MTURN: variants seen among roughly 807,000 people sequenced by gnomAD.
The protein encoded by MTURN is maturin.
In MTURN, 7 loss-of-function variants were observed where a neutral mutation model predicts 14.9. That is an observed-to-expected ratio of 0.47 (90% CI 0.27 to 0.88). The LOEUF (loss-of-function observed/expected upper bound fraction) is 0.88, where lower values mean the gene tolerates loss of function less well. Among genes scored for constraint, MTURN ranks in the 40% least tolerant of loss-of-function variants. The pLI, the probability that MTURN is intolerant of heterozygous loss-of-function variation, is 0.14. For missense variants in MTURN, 151 were observed against 174.1 expected (o/e 0.87, Z 0.75); for synonymous variants, 69 against 72.5 (o/e 0.95, Z 0.25).
Position 30,158,913 on chromosome 7 carries a change from GA to G in MTURN, c.*1368del, listed in dbSNP as rs979615686. 6.6e-6 allele frequency: 1 copy of G among 152,146 alleles called. No individual in the cohort carries two copies. The highest frequency in any genetic ancestry group is 2.4e-5 in the African/African-American group (1 of 41,414). 9.4% of individuals were successfully genotyped at this position (152,146 alleles called of 1,614,324 possible). ...GTCACACATGTGCCTGTTAGGTTGT[GA>G]AAGTTTTGAATTAAAAACAAGCAGT... On this transcript the variant is annotated 3_prime_UTR_variant, in exon 3 of 3. Coordinates refer to ENST00000324453, the MANE Select transcript of MTURN (RefSeq NM_152793.3).
At chr7:30,153,966 C>T (rs1331297020) in intron 2 of MTURN, among the ~76,000 whole-genome samples, 6 of 152,202 alleles carry the variant, frequency 3.9e-5, no homozygotes, top group Non-Finnish European at 5.9e-5. Flanking sequence ...GATCCGCCTG[C>T]CTCGGCCTCC....
At chr7:30,146,653 A>G (rs969369193) in intron 2 of MTURN, among the ~76,000 whole-genome samples, 2 of 152,158 alleles carry the variant, frequency 1.3e-5, no homozygotes, top group Non-Finnish European at 2.9e-5. Context: ...AGGTTCTTTT[A>G]TAATAGTGGG....
intron 1 of MTURN, chr7:30,140,957 G>A (rs997528034): frequency 6.6e-6 from 1 of 152,206 alleles, no homozygotes; most frequent in Non-Finnish European, 1.5e-5. Context: ...TGCGCACAGA[G>A]TGTAGTTGAA....
Position 30,157,608 on chromosome 7 carries a change from C to T in MTURN, c.*60C>T. On this transcript the variant is annotated 3_prime_UTR_variant, in exon 3 of 3. Coordinates refer to ENST00000324453, the MANE Select transcript of MTURN (RefSeq NM_152793.3). The stretch of plus-strand genomic sequence containing the variant: ...CACAGTAACCTAGGTGGGGTCACTG[C>T]CCCTCCTGGGTTAGCATTTTGCATT... The T allele has an allele frequency of 7.6e-7, 1 of 1,312,716 alleles. No homozygotes were observed. Among genetic ancestry groups the T allele is most frequent in the South Asian group, 1.4e-5 (1 of 69,478 alleles). 81.3% of individuals were successfully genotyped at this position (1,312,716 alleles called of 1,614,324 possible). A position where few individuals can be genotyped will look rare whatever the true frequency, so the allele number is the denominator to read the frequency against.
intron 2 of MTURN, 67 bp from the exon 3 acceptor site, chr7:30,157,371 T>C (rs973697399): frequency 3.6e-6 from 5 of 1,379,350 alleles, no homozygotes; most frequent in African/African-American, 1.5e-5. Flanking sequence ...CCGATGCCTT[T>C]GGTTGTCTTC....
intron 1 of MTURN, among the ~76,000 whole-genome samples, chr7:30,136,528 C>T (rs1394840782): frequency 1.3e-5 from 2 of 152,188 alleles, no homozygotes; most frequent in East Asian, 1.9e-4. Flanking sequence ...CCGCCGAGCG[C>T]CCTGACCACC....
Position 30,157,759 on chromosome 7 carries a change from G to A in MTURN, c.*211G>A. On this transcript the variant is annotated 3_prime_UTR_variant, in exon 3 of 3. Transcript: ENST00000324453. ...ACCTGAATTTCACTCCCGCTTCAGT[G>A]GGGTTTCTATGGAGTTGTCTTGGTA... 3.2e-6 allele frequency: 1 copy of A among 313,972 alleles called. No homozygotes were observed. Among genetic ancestry groups the A allele is most frequent in the Non-Finnish European group, 5.9e-6 (1 of 170,724 alleles). 19.4% of individuals were successfully genotyped at this position (313,972 alleles called of 1,614,324 possible).
chr7:30,135,424 C>G (rs541853716), intron 1 of MTURN, 126 bp downstream of exon 1: 9 of 789,168 alleles, frequency 1.1e-5, no homozygotes, highest in Non-Finnish European at 1.5e-5. Flanking sequence ...ACCCGCGCCC[C>G]GCGCCCCGCG....
chr7:30,150,833 C>G (rs1376773400), intron 2 of MTURN, among the ~76,000 whole-genome samples: 1 of 152,192 alleles, frequency 6.6e-6, no homozygotes, highest in African/African-American at 2.4e-5. Flanking sequence ...GAAGGTAGAT[C>G]GGCTCTGCCC....
intron 1 of MTURN, among the ~76,000 whole-genome samples, chr7:30,135,535 G>A (rs1050753167): frequency 6.6e-6 from 1 of 151,764 alleles, no homozygotes; most frequent in African/African-American, 2.4e-5. Context: ...CGGGGAGCCG[G>A]GTCGGGGCGG....
chr7:30,153,344 T>C (rs1427015236), intron 2 of MTURN, among the ~76,000 whole-genome samples: 1 of 152,196 alleles, frequency 6.6e-6, no homozygotes, highest in African/African-American at 2.4e-5. Flanking sequence ...TATCCATGCT[T>C]CCAAATTGTC....
chr7:30,157,515 G>T lies in MTURN; in HGVS notation c.363G>T (p.Ala121=). The change falls in exon 3 of 3, where the codon GCG becomes GCT. Residue 121 remains alanine (A), a synonymous_variant. Coordinates refer to ENST00000324453, the MANE Select transcript of MTURN (RefSeq NM_152793.3). ...ACGTGGAAGAAGAGGAGCCAGAGGC[G>T]GACCACCCCCAGATGGGGGTCAGCC... is the stretch of plus-strand genomic sequence containing the variant. The part of the protein sequence containing the change: ...SADVEEEEPE[A]DHPQMGVSQQ The T allele has an allele frequency of 6.2e-7, 1 of 1,604,426 alleles. No individual in the cohort carries two copies. The highest frequency in any genetic ancestry group is 1.1e-5 in the South Asian group (1 of 89,590).
At chr7:30,151,032 A>G (rs1487965941) in intron 2 of MTURN, among the ~76,000 whole-genome samples, 1 of 152,236 alleles carries the variant, frequency 6.6e-6, no homozygotes, top group Non-Finnish European at 1.5e-5. Context: ...TCTGGCTCCT[A>G]ACAGGTATTA....
At chr7:30,145,738 TC>T (rs770733407) in intron 1 of MTURN, 7 of 1,250,226 alleles carry the variant, frequency 5.6e-6, no homozygotes, top group Non-Finnish European at 7.5e-6. Flanking sequence ...AATGTCTTGT[TC>T]CAAGTTAATG....
chr7:30,140,415 G>GTGTGTGTATGTATATATATATATATATA (rs33952294), intron 1 of MTURN, among the ~76,000 whole-genome samples: 1 of 143,732 alleles, frequency 7.0e-6, no homozygotes, highest in Non-Finnish European at 1.5e-5. Context: ...GTGTGTGTGT[G>GTGTGTGTATGTATATATATATATATATA]TATCCCCATT....
intron 1 of MTURN, among the ~76,000 whole-genome samples, chr7:30,142,824 G>C (rs770972963): frequency 3.0e-4 from 46 of 152,212 alleles, no homozygotes; most frequent in Non-Finnish European, 5.6e-4. Flanking sequence ...TTATTAGAGA[G>C]TCAGTACTTT....
rs1033963133 is a variant in MTURN, at chr7:30,158,828, G to A, written c.*1280G>A. 2 of 152,090 alleles carry A rather than the reference G, an allele frequency of 1.3e-5. No individual in the cohort carries two copies. Among genetic ancestry groups the A allele is most frequent in the Admixed American group, 1.3e-4 (2 of 15,262 alleles). 9.4% of individuals were successfully genotyped at this position (152,090 alleles called of 1,614,324 possible). A position where few individuals can be genotyped will look rare whatever the true frequency, so the allele number is the denominator to read the frequency against. ...CCTGGTTTTAGTTAACCTAGGATGC[G>A]GAATGCCTCCTTTACAACACTAGAT... On this transcript the variant is annotated 3_prime_UTR_variant, in exon 3 of 3. Transcript: ENST00000324453.
intron 2 of MTURN, among the ~76,000 whole-genome samples, chr7:30,148,754 G>A (rs1383400569): frequency 1.3e-5 from 2 of 149,454 alleles, no homozygotes; most frequent in Non-Finnish European, 3.0e-5. Context: ...CATTTACTGA[G>A]ATGGGGAAGG....
At chr7:30,157,409 GC>G (rs780535456) in intron 2 of MTURN, 28 bp from the exon 3 acceptor site, 10 of 1,538,032 alleles carry the variant, frequency 6.5e-6, no homozygotes, top group Non-Finnish European at 8.7e-6. Context: ...GGCGCTCACA[GC>G]TGCTTTTCTC....
Sources: gnomAD v4.1 joint callset for allele counts (sites outside exome capture counted in the v4.1 genomes callset) on GRCh38, gnomAD v4.1.1 for gene constraint, MANE v1.5 for transcripts, NCBI Gene and HGNC (gene_info 2026-07-23, HGNC 2026-07-21) for gene names.